CGNL1: variants seen among roughly 807,000 people sequenced by gnomAD.
CGNL1 encodes cingulin-like protein 1.
Under a neutral mutation model 141.2 loss-of-function variants are expected in CGNL1, and 132 were observed. The observed-to-expected ratio is 0.93, with a 90% CI of 0.81 to 1.08. CGNL1 has a LOEUF of 1.08. Among genes scored for constraint, CGNL1 ranks in the 50% least tolerant of loss-of-function variants. The pLI is 0.00. For missense variants in CGNL1, 1,870 were observed against 1,588.6 expected (o/e 1.18, Z -3.01); for synonymous variants, 690 against 622.1 (o/e 1.11, Z -1.63).
chr15:57,378,838 CT>C (rs1257524907), intron 1 of CGNL1, among the ~76,000 whole-genome samples: 6 of 152,196 alleles, frequency 3.9e-5, no homozygotes, highest in African/African-American at 1.4e-4. Flanking sequence ...GGTTTTCTCG[CT>C]TTTCCCCAAC....
intron 11 of CGNL1, among the ~76,000 whole-genome samples, chr15:57,524,017 G>T (rs1404564403): frequency 6.6e-6 from 1 of 152,142 alleles, no homozygotes. Context: ...GAGCTCAGTA[G>T]CTGCTGCTCT....
intron 14 of CGNL1, among the ~76,000 whole-genome samples, chr15:57,541,808 G>T (rs11071332): frequency 6.6e-6 from 1 of 152,074 alleles, no homozygotes; most frequent in Non-Finnish European, 1.5e-5. Flanking sequence ...GTAGGCCTCA[G>T]TTTCCTCTGC....
intron 4 of CGNL1, among the ~76,000 whole-genome samples, chr15:57,447,725 C>G (rs1041981921): frequency 9.2e-5 from 14 of 152,062 alleles, no homozygotes; most frequent in Admixed American, 5.2e-4. Context: ...TCTCCCAGCT[C>G]TTCTCAGACT....
chr15:57,383,298 T>TTTTGTTTTTTTG (rs1555428836), intron 1 of CGNL1, among the ~76,000 whole-genome samples: 1 of 141,620 alleles, frequency 7.1e-6, no homozygotes, highest in African/African-American at 2.7e-5. Context: ...CTTCCTTTTT[T>TTTTGTTTTTTTG]TTTTTTTGTT....
chr15:57,427,408 G>A (rs1290471113), intron 1 of CGNL1, among the ~76,000 whole-genome samples: 1 of 152,122 alleles, frequency 6.6e-6, no homozygotes, highest in Admixed American at 6.5e-5. Context: ...TCTGGGACCC[G>A]TGCAAACAAC....
At chr15:57,546,036 CCATCAGCCGG>C in intron 17 of CGNL1, 30 bp from the exon 18 acceptor site, 1 of 1,588,360 alleles carries the variant, frequency 6.3e-7, no homozygotes, top group Non-Finnish European at 8.6e-7. Context: ...TGGGGCTGGG[CCATCAGCCGG>C]CACTCAGCCC....
intron 8 of CGNL1, among the ~76,000 whole-genome samples, chr15:57,494,606 ACTTTCTGTT>A (rs2063911434): frequency 6.6e-6 from 1 of 152,144 alleles, no homozygotes; most frequent in Non-Finnish European, 1.5e-5. Context: ...AATCCCATGA[ACTTTCTGTT>A]CTTTCTGTTT....
At position 57,413,512 on chromosome 15, in the gene CGNL1, C is replaced by T. The variant is rs561823098; in HGVS notation, c.-15-24473C>T. On this transcript the variant is annotated intron_variant, in intron 1 of 18. Transcript: ENST00000281282. Reference sequence around the variant, plus strand: ...GGTTGCCCAGGCTAGTCTGGAACTTCTGGGCTCAGGCCATCCATCCCCCTC... The same window carrying T: ...GGTTGCCCAGGCTAGTCTGGAACTTTTGGGCTCAGGCCATCCATCCCCCTC... Among the ~76,000 whole-genome samples the T allele has an allele frequency of 6.6e-5, 10 of 152,124 alleles. 1 individual carries two copies. The highest frequency in any genetic ancestry group is 2.2e-4 in the African/African-American group (9 of 41,514).
chr15:57,503,447 C>G (rs1417626121), intron 8 of CGNL1, among the ~76,000 whole-genome samples: 1 of 152,144 alleles, frequency 6.6e-6, no homozygotes, highest in Non-Finnish European at 1.5e-5. Context: ...GTGGGACTCT[C>G]ATCAGATAGG....
intron 1 of CGNL1, among the ~76,000 whole-genome samples, chr15:57,408,802 G>C (rs182132814): frequency 6.6e-6 from 1 of 152,108 alleles, no homozygotes; most frequent in Non-Finnish European, 1.5e-5. Flanking sequence ...TTGGGAGGCC[G>C]AGGCAGCGGG....
intron 7 of CGNL1, among the ~76,000 whole-genome samples, chr15:57,459,616 G>A (rs777773638): frequency 2.0e-5 from 3 of 152,184 alleles, no homozygotes; most frequent in Non-Finnish European, 4.4e-5. Flanking sequence ...GCCTGGATGC[G>A]GGGAGCAGCT....
At chr15:57,391,417 T>A (rs1475034360) in intron 1 of CGNL1, among the ~76,000 whole-genome samples, 4 of 152,196 alleles carry the variant, frequency 2.6e-5, no homozygotes, top group Non-Finnish European at 5.9e-5. Flanking sequence ...AAGAAAAGGC[T>A]CTAGCCACTT....
At chr15:57,538,981 GACCTCCC>G (rs1262122234) in intron 14 of CGNL1, among the ~76,000 whole-genome samples, 1 of 152,076 alleles carries the variant, frequency 6.6e-6, no homozygotes, top group African/African-American at 2.4e-5. Context: ...GCTGTTTCTG[GACCTCCC>G]ACCTGGAAAC....
At position 57,515,235 on chromosome 15, in the gene CGNL1, G is replaced by A. The variant is rs117908438; in HGVS notation, c.2404-1545G>A. Among the ~76,000 whole-genome samples the A allele has an allele frequency of 6.0e-3, 921 of 152,292 alleles. 6 individuals carry two copies. The highest frequency in any genetic ancestry group is 8.4e-3 in the Non-Finnish European group (568 of 68,016). On this transcript the variant is annotated intron_variant, in intron 8 of 18. Coordinates refer to ENST00000281282, the MANE Select transcript of CGNL1 (RefSeq NM_032866.5). ...TGTCTGACACCTTAGTTTTCTCCTA[G>A]CAACGCCAGCTAACTTCATTCTAAC... is the stretch of plus-strand genomic sequence containing the variant.
At chr15:57,531,609 T>G in intron 13 of CGNL1, 81 bp from the exon 14 acceptor site, 1 of 873,848 alleles carries the variant, frequency 1.1e-6, no homozygotes, top group Non-Finnish European at 1.9e-6. Context: ...GCCCTTAGGA[T>G]TGTTTCTCTG....
At chr15:57,461,045 G>A (rs145705548) in intron 7 of CGNL1, among the ~76,000 whole-genome samples, 60 of 152,272 alleles carry the variant, frequency 3.9e-4, no homozygotes, top group South Asian at 6.2e-4. Flanking sequence ...ATGCTGGAGG[G>A]AAAGGAATGC....
chr15:57,379,426 G>C (rs185817931), intron 1 of CGNL1, among the ~76,000 whole-genome samples: 84 of 152,246 alleles, frequency 5.5e-4, no homozygotes, highest in African/African-American at 2.0e-3. Flanking sequence ...AACTAGAAAA[G>C]GCCTTGGGTT....
chr15:57,518,350 C>A, intron 9 of CGNL1, 43 bp from the exon 10 acceptor site: 1 of 1,401,120 alleles, frequency 7.1e-7, no homozygotes, highest in Non-Finnish European at 1.0e-6. Flanking sequence ...TTCATAGGTA[C>A]AGCACACATC....
At chr15:57,514,798 T>C (rs934613968) in intron 8 of CGNL1, among the ~76,000 whole-genome samples, 1 of 152,188 alleles carries the variant, frequency 6.6e-6, no homozygotes, top group Non-Finnish European at 1.5e-5. Context: ...GGAAGATGTC[T>C]AACTTCATTT....
Sources: gnomAD v4.1 joint callset for allele counts (sites outside exome capture counted in the v4.1 genomes callset) on GRCh38, gnomAD v4.1.1 for gene constraint, MANE v1.5 for transcripts, NCBI Gene and HGNC (gene_info 2026-07-23, HGNC 2026-07-21) for gene names.